RPL12: variants seen among roughly 807,000 people sequenced by gnomAD.
The protein encoded by RPL12 is ribosomal protein L12, also known as large ribosomal subunit protein uL11.
Under a neutral mutation model 24.5 loss-of-function variants are expected in RPL12, and 10 were observed. The observed-to-expected ratio is 0.41, with a 90% confidence interval of 0.25 to 0.69. The LOEUF (loss-of-function observed/expected upper bound fraction) is 0.69, where lower values mean the gene tolerates loss of function less well. Ranked by LOEUF, RPL12 falls within the 30% of genes least tolerant of loss-of-function variation. The pLI, the probability that RPL12 is intolerant of heterozygous loss-of-function variation, is 0.33. For missense variants in RPL12, 137 were observed against 205.3 expected (o/e 0.67, Z 2.03); for synonymous variants, 74 against 76.1 (o/e 0.97, Z 0.14).
intron 4 of RPL12, 159 bp downstream of exon 4, chr9:127,449,122 C>T (rs1417498483): frequency 1.7e-5 from 10 of 593,222 alleles, no homozygotes; most frequent in Admixed American, 1.1e-4. Context: ...ACCCAGCATA[C>T]GTGGCACTTT....
At chr9:127,450,597 T>G (rs2247322) in intron 2 of RPL12, 134 bp downstream of exon 2, 1 of 621,024 alleles carries the variant, frequency 1.6e-6, no homozygotes, top group East Asian at 3.1e-5. Context: ...ACCTAGTACT[T>G]GTTCAGTGGC....
intron 2 of RPL12, 159 bp downstream of exon 2, chr9:127,450,572 C>T: frequency 1.8e-6 from 1 of 563,548 alleles, no homozygotes; most frequent in South Asian, 2.5e-5. Flanking sequence ...TTTTCACACA[C>T]GACCTTCCTA....
At position 127,450,836 on chromosome 9, in the gene RPL12, G is replaced by T; in HGVS notation, c.38-32C>A. ...GAAAAGAAGAGTTAGTGTCTGTGCA[G>T]AGGGAGCCCCGAGCCACAGCCCTCT... is the stretch of plus-strand genomic sequence containing the variant. On this transcript the variant is annotated intron_variant, in intron 1 of 6. Transcript: ENST00000361436. 2.0e-6 allele frequency: 3 copies of T among 1,475,430 alleles called. No homozygotes were observed. The South Asian group carries it at 3.7e-5, about 18-fold the overall frequency. The allele number at this position is 1,475,430 out of a possible 1,614,324, so 91.4% of individuals were successfully genotyped here.
rs773536765 is a variant in RPL12 at position 127,448,408 on chromosome 9, T to C, written c.308A>G (p.Asn103Ser). ...KKQKNIKHSGNITFDEIVNIA... is the reference protein window; with the variant it reads ...KKQKNIKHSGSITFDEIVNIA... ...GTTGACAATCTCATCAAAAGTGATA[T>C]TCCCACTGTGTTTAACTGCAGAAGA... Residue 103 changes from asparagine to serine, a missense_variant, in exon 5 of 7, where the codon AAT (asparagine) becomes AGT (serine). Physicochemically the swap from Asn to Ser is conservative, Grantham distance 46. Coordinates refer to ENST00000361436, the MANE Select transcript of RPL12 (RefSeq NM_000976.4). 26 of 1,612,818 alleles carry C rather than the reference T, an allele frequency of 1.6e-5. No individual in the cohort carries two copies. The highest frequency in any genetic ancestry group is 2.1e-5 in the Non-Finnish European group (25 of 1,178,918).
At chr9:127,448,313 G>T in intron 5 of RPL12, 24 bp downstream of exon 5, 1 of 1,549,626 alleles carries the variant, frequency 6.5e-7, no homozygotes, top group Non-Finnish European at 8.9e-7. Flanking sequence ...CAGTTATGGC[G>T]GTTACATGTT....
At position 127,447,876 on chromosome 9, in the gene RPL12, C is replaced by CG. The variant is rs1158336520; in HGVS notation, c.492dup (p.Ser165GlnfsTer?). Reference sequence around the variant, plus strand: ...ACTGTAACAATGAAAATGTCACTTACGGCTGGGCATTCCACAGCACCACTG... The same window carrying CG: ...ACTGTAACAATGAAAATGTCACTTACGGGCTGGGCATTCCACAGCACCACTG... On this transcript the variant is annotated frameshift_variant and splice_region_variant. Transcript: ENST00000361436. LOFTEE classifies it high-confidence loss of function. 1 of 1,611,516 alleles carries CG rather than the reference C, an allele frequency of 6.2e-7. No homozygotes were observed. The highest frequency in any genetic ancestry group is 8.5e-7 in the Non-Finnish European group (1 of 1,178,934).
At position 127,447,855 on chromosome 9, in the gene RPL12, T is replaced by TA. The variant is rs774269758; in HGVS notation, c.492+21dup. 3.1e-6 allele frequency: 5 copies of TA among 1,610,458 alleles called. No individual in the cohort carries two copies. In the South Asian group the frequency reaches 3.3e-5, roughly 11 times the overall value. Reference sequence around the variant, plus strand: ...GGTGGCCCCCCTTTCACCCCTACTGTAACAATGAAAATGTCACTTACGGCT... The same window carrying TA: ...GGTGGCCCCCCTTTCACCCCTACTGTAAACAATGAAAATGTCACTTACGGCT... On this transcript the variant is annotated intron_variant, in intron 6 of 6. Coordinates refer to ENST00000361436, the MANE Select transcript of RPL12 (RefSeq NM_000976.4).
rs368058964 is a variant in RPL12, at chr9:127,448,832, CT to C, written c.293-410del. Among the ~76,000 whole-genome samples, 1,168 of 143,656 alleles carry C rather than the reference CT, an allele frequency of 8.1e-3. 16 individuals carry two copies. The highest frequency in any genetic ancestry group is 0.026 in the African/African-American group (1,000 of 38,850). 94.2% of individuals were successfully genotyped at this position (143,656 alleles called of 152,430 possible). ...TGCCCCACACAGGGACTACATGGCACTTTTTTTTTTTTTTTTGAGACGGAGT... is the reference window on the plus strand; with the variant it reads ...TGCCCCACACAGGGACTACATGGCACTTTTTTTTTTTTTTTGAGACGGAGT... On this transcript the variant is annotated intron_variant, in intron 4 of 6. Transcript: ENST00000361436.
intron 4 of RPL12, 182 bp from the exon 5 acceptor site, chr9:127,448,605 G>A (rs375784646): frequency 1.2e-4 from 91 of 758,896 alleles, no homozygotes; most frequent in Non-Finnish European, 1.9e-4. Context: ...CCAGCCAACA[G>A]AGACCTGGTC....
rs527773567 is a variant in RPL12 at position 127,451,379 on chromosome 9, G to C, written c.-62C>G. The C allele has an allele frequency of 1.1e-5, 17 of 1,602,666 alleles. No homozygotes were observed. The highest frequency in any genetic ancestry group is 5.5e-5 in the South Asian group (5 of 90,476). ...GGACGACCGAAGGAAGTTGCACCTT[G>C]GCCTCCTCCGAGCCGAAAGCCGAGA... On this transcript the variant is annotated 5_prime_UTR_variant, in exon 1 of 7. Transcript: ENST00000361436.
In RPL12 at chr9:127,448,832, C is replaced by CTT. The variant is rs368058964; in HGVS notation, c.293-411_293-410dup. ...TGCCCCACACAGGGACTACATGGCA[C>CTT]TTTTTTTTTTTTTTTTGAGACGGAG... On this transcript the variant is annotated intron_variant, in intron 4 of 6. Coordinates refer to ENST00000361436, the MANE Select transcript of RPL12 (RefSeq NM_000976.4). Among the ~76,000 whole-genome samples the CTT allele has an allele frequency of 1.1e-3, 159 of 143,670 alleles. 1 individual carries two copies. Among genetic ancestry groups the CTT allele is most frequent in the Admixed American group, 9.0e-4 (13 of 14,404 alleles). 94.3% of individuals were successfully genotyped at this position (143,670 alleles called of 152,430 possible).
chr9:127,450,679 G>T, intron 2 of RPL12, 52 bp downstream of exon 2: 1 of 1,386,888 alleles, frequency 7.2e-7, no homozygotes, highest in Non-Finnish European at 9.9e-7. Flanking sequence ...ACGAGCCGGC[G>T]CTTAAAGTGA....
chr9:127,448,527 G>A, intron 4 of RPL12, 104 bp from the exon 5 acceptor site: 1 of 828,488 alleles, frequency 1.2e-6, no homozygotes, highest in South Asian at 1.3e-5. Flanking sequence ...TCGGCACAGA[G>A]TCATCCACAT....
intron 4 of RPL12, 198 bp downstream of exon 4, chr9:127,449,083 T>C: frequency 2.0e-6 from 1 of 512,206 alleles, no homozygotes; most frequent in Non-Finnish European, 3.6e-6. Flanking sequence ...CGCCTCAGCC[T>C]CCCAGTGCTG....
chr9:127,450,143 CAAGG>C (rs1217352775), intron 2 of RPL12: 1 of 185,074 alleles, frequency 5.4e-6, no homozygotes, highest in Non-Finnish European at 1.1e-5. Context: ...AGCTAACGGC[CAAGG>C]AAGAATAGTT....
intron 2 of RPL12, 189 bp from the exon 3 acceptor site, chr9:127,449,897 C>T: frequency 1.7e-6 from 1 of 592,318 alleles, no homozygotes; most frequent in East Asian, 2.9e-5. Context: ...CTGTAAACTG[C>T]AGACTTGGCC....
intron 6 of RPL12, 27 bp downstream of exon 6, chr9:127,447,849 CT>C: frequency 6.2e-7 from 1 of 1,610,310 alleles, no homozygotes. Context: ...CCTTTCACCC[CT>C]ACTGTAACAA....
Position 127,448,717 on chromosome 9 carries a change from A to G in RPL12, c.293-294T>C, listed in dbSNP as rs1278704873. 7 of 592,150 alleles carry G rather than the reference A, an allele frequency of 1.2e-5. No homozygotes were observed. The Admixed American group carries it at 1.4e-4, about 12-fold the overall frequency. The allele number at this position is 592,150 out of a possible 1,614,324, so 36.7% of individuals were successfully genotyped here. A position where few individuals can be genotyped will look rare whatever the true frequency, so the allele number is the denominator to read the frequency against. ...GACAAGCTTAAATTGCCAGGGAGTT[A>G]AACTGCCCAGTACCTGCCACCTGTA... On this transcript the variant is annotated intron_variant, in intron 4 of 6. Transcript: ENST00000361436.
chr9:127,450,653 G>T, intron 2 of RPL12, 78 bp downstream of exon 2: 1 of 1,114,118 alleles, frequency 9.0e-7, no homozygotes, highest in Non-Finnish European at 1.3e-6. Flanking sequence ...GGCACCTCTG[G>T]CACAGGCGTG....
Sources: gnomAD v4.1 joint callset for allele counts (sites outside exome capture counted in the v4.1 genomes callset) on GRCh38, gnomAD v4.1.1 for gene constraint, MANE v1.5 for transcripts, NCBI Gene and HGNC (gene_info 2026-07-23, HGNC 2026-07-21) for gene names.